DCP1A: variants seen among roughly 807,000 people sequenced by gnomAD.
The protein encoded by DCP1A is mRNA-decapping enzyme 1A.
Under a neutral mutation model 58.0 loss-of-function variants are expected in DCP1A, and 20 were observed. That is an observed-to-expected ratio of 0.34 (90% CI 0.24 to 0.50). The LOEUF is 0.50. Ranked by LOEUF, DCP1A falls within the 20% of genes least tolerant of loss-of-function variation. The pLI is 0.98. For missense variants in DCP1A, 613 were observed against 712.2 expected, an observed-to-expected ratio of 0.86 and a Z score of 1.59; for synonymous variants, 285 against 275.1, an observed-to-expected ratio of 1.04 and a Z score of -0.36.
chr3:53,333,654 G>C lies in DCP1A; in HGVS notation c.304+8490C>G, dbSNP rs150465196. 5.7e-3 allele frequency among the ~76,000 whole-genome samples: 864 copies of C among 151,868 alleles called. 4 individuals are homozygous for C. Among genetic ancestry groups the C allele is most frequent in the African/African-American group, 0.019 (797 of 41,454 alleles). ...CCTAACTCTTAAAAAAAAAAAATTT[G>C]TCTGCTTTATCTGTCAATTACTAAA... On this transcript the variant is annotated intron_variant, in intron 3 of 9. Coordinates refer to ENST00000610213, the MANE Select transcript of DCP1A (RefSeq NM_018403.7).
chr3:53,304,227 G>A lies in DCP1A; in HGVS notation c.574C>T (p.Leu192=). 3.1e-6 allele frequency: 5 copies of A among 1,613,818 alleles called. No individual in the cohort carries two copies. The highest frequency in any genetic ancestry group is 4.2e-6 in the Non-Finnish European group (5 of 1,179,858). ...GLQPSTQLSN[L]GSTETLEEMP... The stretch of plus-strand genomic sequence containing the variant: ...TCTTCTAGAGTCTCGGTGCTTCCCA[G>A]ATTGGAGAGCTGAGTGCTTGGCTGT... Residue 192 remains leucine, a synonymous_variant, in exon 6 of 10, where the codon CTG becomes TTG. Transcript: ENST00000610213.
chr3:53,307,109 C>T (rs1220831678), intron 5 of DCP1A, among the ~76,000 whole-genome samples: 1 of 151,764 alleles, frequency 6.6e-6, no homozygotes, highest in Non-Finnish European at 1.5e-5. Flanking sequence ...CCACCACACC[C>T]AGCTAATTTT....
intron 8 of DCP1A, chr3:53,290,521 G>C: frequency 1.7e-6 from 1 of 587,210 alleles, no homozygotes; most frequent in East Asian, 2.9e-5. Flanking sequence ...ACCTGGCCTA[G>C]GAAAGGCATC....
In DCP1A at chr3:53,344,390, C is replaced by T. The variant is rs73843125; in HGVS notation, c.176+512G>A. 5.9e-5 allele frequency among the ~76,000 whole-genome samples: 9 copies of T among 152,254 alleles called. 1 individual carries two copies. In the South Asian group the frequency reaches 6.2e-4, roughly 11 times the overall value. The stretch of plus-strand genomic sequence containing the variant: ...TTGAATAAGTCAAAAATAAAAAATA[C>T]GCCATCATGAATAATCCAAGCTTTC... On this transcript the variant is annotated intron_variant, in intron 2 of 9. Transcript: ENST00000610213.
intron 4 of DCP1A, 115 bp from the exon 5 acceptor site, chr3:53,312,494 TC>T (rs376434123): frequency 1.2e-4 from 109 of 910,870 alleles, no homozygotes; most frequent in Non-Finnish European, 1.5e-4. Flanking sequence ...ATGACATTCT[TC>T]TTTTTTTTTT....
intron 4 of DCP1A, among the ~76,000 whole-genome samples, chr3:53,317,966 T>C (rs143751509): frequency 2.0e-5 from 3 of 152,336 alleles, no homozygotes; most frequent in African/African-American, 7.2e-5. Flanking sequence ...AGCCATGAAC[T>C]GAGATTCTGG....
Position 53,288,129 on chromosome 3 carries a change from T to C in DCP1A, c.1604A>G (p.Gln535Arg). The change falls in exon 9 of 10, where the codon CAG (glutamine) becomes CGG (arginine). Residue 535 changes from glutamine (Q) to arginine (R), a missense_variant. Physicochemically the swap from Gln to Arg is conservative, Grantham distance 43. Around this residue, in one of 3 missense-constraint regions of DCP1A, gnomAD observed 498 missense variants for 556.7 expected, o/e 0.89. Coordinates refer to ENST00000610213, the MANE Select transcript of DCP1A (RefSeq NM_018403.7). The stretch of plus-strand genomic sequence containing the variant: ...GCTGAGAATAATGGAAGGCTTTCTC[T>C]GACTTTCTGGCGTTCCAATAGTTAG... ...SPLTIGTPES[Q>R]RKPSIILSKS... The C allele has an allele frequency of 1.2e-6, 2 of 1,614,060 alleles. No individual in the cohort carries two copies. Among genetic ancestry groups the C allele is most frequent in the Non-Finnish European group, 1.7e-6 (2 of 1,179,892 alleles).
At chr3:53,318,570 C>A (rs1007010048) in intron 4 of DCP1A, among the ~76,000 whole-genome samples, 12 of 152,272 alleles carry the variant, frequency 7.9e-5, no homozygotes, top group African/African-American at 2.2e-4. Flanking sequence ...GTCCCTCAGG[C>A]CCCCTGAAGC....
chr3:53,324,401 C>G (rs1000975126), intron 3 of DCP1A, among the ~76,000 whole-genome samples: 1 of 152,210 alleles, frequency 6.6e-6, no homozygotes, highest in Non-Finnish European at 1.5e-5. Context: ...GAAAGACAGA[C>G]AAGTTCACCA....
Position 53,324,921 on chromosome 3 carries a change from T to C in DCP1A, c.305-5448A>G, listed in dbSNP as rs1387984409. ...TTAGGAGGTGTGATAGGACATTTCA[T>C]TGCCTTCCACAAAAAATATCCAGAT... is the stretch of plus-strand genomic sequence containing the variant. On this transcript the variant is annotated intron_variant, in intron 3 of 9. Transcript: ENST00000610213. Among the ~76,000 whole-genome samples the C allele has an allele frequency of 3.3e-5, 5 of 152,120 alleles. No homozygotes were observed. In the South Asian group the frequency reaches 6.2e-4, roughly 19 times the overall value.
chr3:53,345,707 G>A (rs1363599566), intron 1 of DCP1A, among the ~76,000 whole-genome samples: 3 of 152,030 alleles, frequency 2.0e-5, no homozygotes, highest in Admixed American at 2.0e-4. Context: ...TGAATGTGTT[G>A]GGATTAAAAA....
rs2106777673 is a variant in DCP1A, at chr3:53,285,343, G to A, written c.*2237C>T. On this transcript the variant is annotated 3_prime_UTR_variant, in exon 10 of 10. Transcript: ENST00000610213. ...CAACTGAACTGTGACTTTCGGGCCA[G>A]GGTCATCCAGCTGCAATTATCCAGG... 6.6e-6 allele frequency: 1 copy of A among 152,346 alleles called. No individual in the cohort carries two copies. The allele number at this position is 152,346 out of a possible 1,614,324, so 9.4% of individuals were successfully genotyped here.
chr3:53,333,217 C>T (rs1183154349), intron 3 of DCP1A: 3 of 151,086 alleles, frequency 2.0e-5, no homozygotes, highest in African/African-American at 7.3e-5. Context: ...TCTTGGCTCA[C>T]TGCAACCTCT....
Position 53,292,463 on chromosome 3 carries a change from T to C in DCP1A, c.989A>G (p.Gln330Arg). The C allele has an allele frequency of 6.2e-7, 1 of 1,614,004 alleles. No individual in the cohort carries two copies. The highest frequency in any genetic ancestry group is 8.5e-7 in the Non-Finnish European group (1 of 1,179,894). Residue 330 changes from glutamine to arginine, a missense_variant, in exon 7 of 10, where the codon CAG (glutamine) becomes CGG (arginine). Physicochemically the swap from Gln to Arg is conservative, Grantham distance 43. Around this residue, in one of 3 missense-constraint regions of DCP1A, gnomAD observed 498 missense variants for 556.7 expected, o/e 0.89. Transcript: ENST00000610213. ...PTLPAEAPTAQVPPSLPRNST... is the reference protein window; with the variant it reads ...PTLPAEAPTARVPPSLPRNST... ...GTTTCGAGGTAAGCTGGGGGGAACC[T>C]GTGCAGTAGGAGCTTCAGCTGGCAG... is the stretch of plus-strand genomic sequence containing the variant.
At chr3:53,328,778 A>G (rs931274598) in intron 3 of DCP1A, among the ~76,000 whole-genome samples, 2 of 152,246 alleles carry the variant, frequency 1.3e-5, no homozygotes, top group South Asian at 4.1e-4. Context: ...TCAGCCACTG[A>G]GCCTTAAGTC....
Position 53,347,461 on chromosome 3 carries a change from G to C in DCP1A, c.57C>G (p.His19Gln), listed in dbSNP as rs782695330. The part of the protein sequence containing the change: ...QEMSLAALKQ[H>Q]DPYITSIADL... ...CTGCGATGCTGGTGATATAGGGGTCGTGTTGCTTCAGGGCCGCTAGGCTCA... is the reference window on the plus strand; with the variant it reads ...CTGCGATGCTGGTGATATAGGGGTCCTGTTGCTTCAGGGCCGCTAGGCTCA... The change falls in exon 1 of 10, where the codon CAC becomes CAG. Residue 19 changes from histidine to glutamine, a missense_variant. By Grantham distance (24) the His-to-Gln change is conservative (BLOSUM62 0). Transcript: ENST00000610213. 37 of 1,613,564 alleles carry C rather than the reference G, an allele frequency of 2.3e-5. No homozygotes were observed. The highest frequency in any genetic ancestry group is 2.7e-5 in the Non-Finnish European group (32 of 1,179,724).
intron 6 of DCP1A, among the ~76,000 whole-genome samples, chr3:53,302,963 T>TAAA (rs2106817856): frequency 6.6e-6 from 1 of 151,644 alleles, no homozygotes; most frequent in South Asian, 2.1e-4. Context: ...TAAATTAAAT[T>TAAA]TTTGAGACAG....
chr3:53,329,350 T>G (rs568356446), intron 3 of DCP1A: 49 of 398,444 alleles, frequency 1.2e-4, no homozygotes, highest in Non-Finnish European at 9.7e-5. Flanking sequence ...TAATTTTCAT[T>G]AAAAGCACTA....
chr3:53,287,410 C>A lies in DCP1A; in HGVS notation c.*170G>T. The A allele has an allele frequency of 3.5e-6, 1 of 285,688 alleles. No homozygotes were observed. The highest frequency in any genetic ancestry group is 2.4e-5 in the African/African-American group (1 of 41,444). The allele number at this position is 285,688 out of a possible 1,614,324, so 17.7% of individuals were successfully genotyped here. On this transcript the variant is annotated 3_prime_UTR_variant, in exon 10 of 10. Transcript: ENST00000610213. ...TGCTGGTGATGCTTCACAGTGAAAC[C>A]TCCATTATCACTGAGAATGTCACTT... is the stretch of plus-strand genomic sequence containing the variant.
Sources: allele counts gnomAD v4.1 joint callset (sites outside exome capture counted in the v4.1 genomes callset), GRCh38; gene constraint gnomAD v4.1.1; regional missense constraint gnomAD v4.1.1; transcripts MANE v1.5; gene names NCBI Gene and HGNC (gene_info 2026-07-23, HGNC 2026-07-21).